PCDHGA2: variants seen among roughly 807,000 people sequenced by gnomAD.
PCDHGA2 encodes the protein protocadherin gamma-A2.
Under a neutral mutation model 59.2 loss-of-function variants are expected in PCDHGA2, and 40 were observed. That is an observed-to-expected ratio of 0.68 (90% CI 0.52 to 0.88). The LOEUF is 0.88. PCDHGA2 is among the 40% of genes least tolerant of loss of function. The pLI is 0.00. For synonymous variants in PCDHGA2, 560 were observed against 526.0 expected (o/e 1.06, Z -0.89); for missense variants, 1,226 against 1,204.0 (o/e 1.02, Z -0.27).
chr5:141,428,197 G>A, intron 1 of PCDHGA2: 3 of 1,385,968 alleles, frequency 2.2e-6, no homozygotes, highest in Non-Finnish European at 3.0e-6. Context: ...CGCTCTCTGC[G>A]CCGCTACGCT....
intron 1 of PCDHGA2, chr5:141,372,062 C>T: frequency 1.2e-6 from 2 of 1,613,470 alleles, no homozygotes; most frequent in Non-Finnish European, 1.7e-6. Context: ...ACGACCGCAA[C>T]GACAATGCAC....
Position 141,338,795 on chromosome 5 carries a change from G to A in PCDHGA2, c.-177G>A, listed in dbSNP as rs750169868. ...TACGGCTCCCACAGCACAAGGGGGT[G>A]GAGGTTTGGCCCTAAAGCTTCAGGA... On this transcript the variant is annotated 5_prime_UTR_variant, in exon 1 of 4. Coordinates refer to ENST00000394576, the MANE Select transcript of PCDHGA2 (RefSeq NM_018915.4). 78 of 1,355,094 alleles carry A rather than the reference G, an allele frequency of 5.8e-5. No homozygotes were observed. Among genetic ancestry groups the A allele is most frequent in the Non-Finnish European group, 7.4e-5 (78 of 1,059,318 alleles). The allele number at this position is 1,355,094 out of a possible 1,614,324, so 83.9% of individuals were successfully genotyped here. A position where few individuals can be genotyped will look rare whatever the true frequency, so the allele number is the denominator to read the frequency against.
chr5:141,372,799 A>G (rs1769080872), intron 1 of PCDHGA2: 7 of 1,596,852 alleles, frequency 4.4e-6, no homozygotes, highest in Non-Finnish European at 5.1e-6. Flanking sequence ...AATTCAGGCA[A>G]TTTGCAAAAG....
chr5:141,460,511 AT>A (rs937107682), intron 1 of PCDHGA2, among the ~76,000 whole-genome samples: 2 of 152,168 alleles, frequency 1.3e-5, no homozygotes, highest in African/African-American at 4.8e-5. Flanking sequence ...TGAGAAGGCT[AT>A]CTTTTCCCCA....
At chr5:141,358,195 A>T (rs559791322) in intron 1 of PCDHGA2, among the ~76,000 whole-genome samples, 1 of 152,316 alleles carries the variant, frequency 6.6e-6, no homozygotes, top group East Asian at 1.9e-4. Context: ...GTCTCCAAAA[A>T]GTAAAATAAA....
chr5:141,373,048 A>G (rs1215321006), intron 1 of PCDHGA2, among the ~76,000 whole-genome samples: 2 of 152,146 alleles, frequency 1.3e-5, no homozygotes, highest in African/African-American at 4.8e-5. Flanking sequence ...ATCCTAATAC[A>G]CTATAATCTG....
intron 2 of PCDHGA2, among the ~76,000 whole-genome samples, chr5:141,496,097 A>C (rs1329818315): frequency 6.6e-6 from 1 of 151,148 alleles, no homozygotes; most frequent in Non-Finnish European, 1.5e-5. Context: ...CCACCCACCA[A>C]CACCCCGCTC....
chr5:141,394,150 A>C (rs781168813), intron 1 of PCDHGA2: 2 of 1,613,798 alleles, frequency 1.2e-6, no homozygotes, highest in East Asian at 4.5e-5. Context: ...GCAGACATTA[A>C]CGACAACCCT....
intron 1 of PCDHGA2, chr5:141,389,589 G>C (rs780685929): frequency 8.1e-6 from 13 of 1,613,168 alleles, no homozygotes; most frequent in Non-Finnish European, 1.1e-5. Context: ...GGGTCCCGAC[G>C]GCTCTGCGCT....
At chr5:141,467,491 A>T (rs2154569531) in intron 1 of PCDHGA2, among the ~76,000 whole-genome samples, 1 of 152,224 alleles carries the variant, frequency 6.6e-6, no homozygotes, top group Admixed American at 6.5e-5. Flanking sequence ...CCACATTTAG[A>T]TCCCTGATCT....
chr5:141,345,026 C>T lies in PCDHGA2; in HGVS notation c.2424+3631C>T, dbSNP rs368099113. The T allele has an allele frequency of 2.1e-5, 34 of 1,613,744 alleles. No homozygotes were observed. In the African/African-American group the frequency reaches 4.1e-4, roughly 20 times the overall value. On this transcript the variant is annotated intron_variant, in intron 1 of 3. Transcript: ENST00000394576. ...ATGGACCAGGTCTTCTTTCAAGAGC[C>T]AAGATTCTAGTCACGGTTCTGGATG...
At chr5:141,403,738 T>G in intron 1 of PCDHGA2, 3 of 1,613,930 alleles carry the variant, frequency 1.9e-6, no homozygotes, top group Admixed American at 3.3e-5. Context: ...CCTGGCTGCT[T>G]ACTGCAACAG....
At chr5:141,415,738 AGGTTTT>A in intron 1 of PCDHGA2, 1 of 538,082 alleles carries the variant, frequency 1.9e-6, no homozygotes, top group South Asian at 3.9e-5. Flanking sequence ...ATGTTTATTA[AGGTTTT>A]TTTTTTTTTT....
Position 141,338,794 on chromosome 5 carries a change from T to A in PCDHGA2, c.-178T>A. 1 of 1,334,808 alleles carries A rather than the reference T, an allele frequency of 7.5e-7. No individual in the cohort carries two copies. The allele number at this position is 1,334,808 out of a possible 1,614,324, so 82.7% of individuals were successfully genotyped here. On this transcript the variant is annotated 5_prime_UTR_variant, in exon 1 of 4. Coordinates refer to ENST00000394576, the MANE Select transcript of PCDHGA2 (RefSeq NM_018915.4). ...ATACGGCTCCCACAGCACAAGGGGGTGGAGGTTTGGCCCTAAAGCTTCAGG... is the reference window on the plus strand; with the variant it reads ...ATACGGCTCCCACAGCACAAGGGGGAGGAGGTTTGGCCCTAAAGCTTCAGG...
intron 1 of PCDHGA2, among the ~76,000 whole-genome samples, chr5:141,381,529 A>G (rs530526235): frequency 3.3e-5 from 5 of 152,212 alleles, no homozygotes; most frequent in Non-Finnish European, 5.9e-5. Context: ...TTTGAATTGC[A>G]TACTAGGATG....
At chr5:141,458,662 C>T (rs948275548) in intron 1 of PCDHGA2, among the ~76,000 whole-genome samples, 3 of 152,064 alleles carry the variant, frequency 2.0e-5, no homozygotes, top group East Asian at 1.9e-4. Flanking sequence ...CTCCACCTCT[C>T]GGGTTCAAGC....
chr5:141,459,139 A>G (rs1592605909), intron 1 of PCDHGA2, among the ~76,000 whole-genome samples: 1 of 152,360 alleles, frequency 6.6e-6, no homozygotes, highest in Non-Finnish European at 1.5e-5. Flanking sequence ...ACCACCATGC[A>G]ATCAAAATAT....
chr5:141,372,410 A>G (rs764498768), intron 1 of PCDHGA2: 2 of 1,613,980 alleles, frequency 1.2e-6, no homozygotes, highest in African/African-American at 2.7e-5. Flanking sequence ...AAGAGATACA[A>G]CCTGACCTTA....
At chr5:141,423,256 G>A (rs751894091) in intron 1 of PCDHGA2, 3 of 1,613,816 alleles carry the variant, frequency 1.9e-6, no homozygotes, top group South Asian at 2.2e-5. Context: ...GGCGGACCTC[G>A]GCAGCCTCGA....
Sources: allele counts gnomAD v4.1 joint callset (sites outside exome capture counted in the v4.1 genomes callset), GRCh38; gene constraint gnomAD v4.1.1; transcripts MANE v1.5; gene names NCBI Gene and HGNC (gene_info 2026-07-23, HGNC 2026-07-21).